ZNF142: variants seen among roughly 807,000 people sequenced by gnomAD.
ZNF142 encodes zinc finger protein 142, also known as zinc finger protein 142 (clone pHZ-49).
In ZNF142, 96 loss-of-function variants were observed where a neutral mutation model predicts 132.1. The observed-to-expected ratio is 0.73, with a 90% CI of 0.62 to 0.86. ZNF142 has a LOEUF of 0.86. Ranked by LOEUF, ZNF142 falls within the 40% of genes least tolerant of loss-of-function variation. The pLI is 0.00. For missense variants in ZNF142, 2,163 were observed against 2,336.2 expected (o/e 0.93, Z 1.53); for synonymous variants, 842 against 890.1 (o/e 0.95, Z 0.96).
Position 218,634,519 on chromosome 2 carries a change from G to A in ZNF142, c.*3820C>T, listed in dbSNP as rs767397339. 1.2e-6 allele frequency: 2 copies of A among 1,614,072 alleles called. No individual in the cohort carries two copies. The highest frequency in any genetic ancestry group is 1.6e-4 in the Middle Eastern group (1 of 6,062). On this transcript the variant is annotated 3_prime_UTR_variant, in exon 11 of 11. Coordinates refer to ENST00000411696, the MANE Select transcript of ZNF142 (RefSeq NM_001379659.1). This position sits in a 1 kb window ranked among gnomAD's most constrained non-coding sequence, Gnocchi z 4.0. ...ACATCTGTGATGGGCATTTCCGCCA[G>A]AATGGCGGCTGTGGCTATGTGCTGA...
In ZNF142 at chr2:218,648,725, G is replaced by GC; in HGVS notation, c.1782dup (p.His595AlafsTer4). ...CACTGGTGGATCTTTTCATGAGCAT[G>GC]CATCTTGCCTACATGATCCTGGTAA... On this transcript the variant is annotated frameshift_variant, in exon 7 of 11. Coordinates refer to ENST00000411696, the MANE Select transcript of ZNF142 (RefSeq NM_001379659.1). LOFTEE classifies it high-confidence loss of function. 6.2e-7 allele frequency: 1 copy of GC among 1,614,224 alleles called. No individual in the cohort carries two copies. The highest frequency in any genetic ancestry group is 8.5e-7 in the Non-Finnish European group (1 of 1,180,036).
At chr2:218,652,867 A>G (rs1157010911) in intron 4 of ZNF142, among the ~76,000 whole-genome samples, 1 of 152,138 alleles carries the variant, frequency 6.6e-6, no homozygotes, top group Non-Finnish European at 1.5e-5. Flanking sequence ...AGGTCCTGAG[A>G]TTCTACGAGA....
chr2:218,650,526 G>A lies in ZNF142; in HGVS notation c.881C>T (p.Ala294Val), dbSNP rs1203875717. The A allele has an allele frequency of 6.4e-7, 1 of 1,569,954 alleles. No individual in the cohort carries two copies. Among genetic ancestry groups the A allele is most frequent in the Middle Eastern group, 1.7e-4 (1 of 5,826 alleles). The change falls in exon 6 of 11, where the codon GCT (alanine) becomes GTT (valine). Residue 294 changes from alanine (A) to valine (V), a missense_variant and splice_region_variant. Ala to Val is a moderately conservative substitution (Grantham distance 64). Coordinates refer to ENST00000411696, the MANE Select transcript of ZNF142 (RefSeq NM_001379659.1). ...TCTCTCTCCTGGAGGCAGTTTGGGA[G>A]CTGGAGATACATAAAACTTGATAAA... ...QGLPSQELLP[A>V]PKLPPGEREP...
intron 8 of ZNF142, 21 bp downstream of exon 8, chr2:218,646,150 A>G: frequency 6.2e-7 from 1 of 1,606,800 alleles, no homozygotes; most frequent in Non-Finnish European, 8.5e-7. Flanking sequence ...ATTGGGACGG[A>G]GGCCTATGTG....
At position 218,644,774 on chromosome 2, in the gene ZNF142, C is replaced by T. The variant is rs573181948; in HGVS notation, c.2342G>A (p.Arg781His). Residue 781 changes from arginine (R) to histidine (H), a missense_variant, in exon 9 of 11, where the codon CGC becomes CAC. By Grantham distance (29) the Arg-to-His change is conservative. This residue lies in a region of ZNF142 where 749 missense variants were observed against 830.3 expected (regional missense o/e 0.90). Transcript: ENST00000411696. The surrounding 1 kb of genome is among the most constrained non-coding windows in gnomAD (Gnocchi z 4.6). ...REFHCALCDY[R>H]TFSNTTLLFH... ...CAAGAGTGTGGTGTTGCTGAAGGTG[C>T]GGTAGTCACAGAGGGCACAGTGGAA... 4 of 1,614,166 alleles carry T rather than the reference C, an allele frequency of 2.5e-6. No individual in the cohort carries two copies. The African/African-American group carries it at 5.3e-5, about 22-fold the overall frequency.
In ZNF142 at chr2:218,643,044, G is replaced by A. The variant is rs1398404967; in HGVS notation, c.4072C>T (p.His1358Tyr). ...TALRLHQKRRHPTAAPARGPR... is the reference protein window; with the variant it reads ...TALRLHQKRRYPTAAPARGPR... Reference sequence around the variant, plus strand: ...CCACGGGCTGGGGCTGCAGTGGGGTGCCTCCGCTTCTGGTGGAGCCTTAAG... The same window carrying A: ...CCACGGGCTGGGGCTGCAGTGGGGTACCTCCGCTTCTGGTGGAGCCTTAAG... The change falls in exon 9 of 11, where the codon CAC becomes TAC. Residue 1358 changes from histidine to tyrosine, a missense_variant. By Grantham distance (83) the His-to-Tyr change is moderately conservative. This residue lies in a region of ZNF142 where 809 missense variants were observed against 801.7 expected (regional missense o/e 1.01). Transcript: ENST00000411696. The A allele has an allele frequency of 1.3e-6, 2 of 1,597,962 alleles. No individual in the cohort carries two copies. The highest frequency in any genetic ancestry group is 2.3e-5 in the East Asian group (1 of 44,360).
chr2:218,657,753 C>G (rs1938657888), intron 3 of ZNF142, among the ~76,000 whole-genome samples: 1 of 152,104 alleles, frequency 6.6e-6, no homozygotes, highest in African/African-American at 2.4e-5. Flanking sequence ...CTCTTATCTT[C>G]TCTCTTCTGG....
In ZNF142 at chr2:218,642,040, G is replaced by A. The variant is rs1400676667; in HGVS notation, c.5076C>T (p.Pro1692=). ...CHLCPYACAD[P]SRLKYHMRIH... ...CCTCTGACATTACCTTGAGACGAGA[G>A]GGATCAGCACAGGCATAGGGGCAGA... Residue 1692 remains proline (P), a synonymous_variant, in exon 9 of 11, where the codon CCC becomes CCT. Coordinates refer to ENST00000411696, the MANE Select transcript of ZNF142 (RefSeq NM_001379659.1). This position sits in a 1 kb window ranked among gnomAD's most constrained non-coding sequence, Gnocchi z 4.6. The A allele has an allele frequency of 1.2e-6, 2 of 1,613,626 alleles. No individual in the cohort carries two copies. The highest frequency in any genetic ancestry group is 4.5e-5 in the East Asian group (2 of 44,856).
rs746988011 is a variant in ZNF142, at chr2:218,638,785, C to G, written c.5218G>C (p.Glu1740Gln). 14 of 1,603,802 alleles carry G rather than the reference C, an allele frequency of 8.7e-6. No individual in the cohort carries two copies. Among genetic ancestry groups the G allele is most frequent in the Non-Finnish European group, 8.5e-7 (1 of 1,179,020 alleles). The change falls in exon 11 of 11, where the codon GAG becomes CAG. Residue 1740 changes from glutamate (E) to glutamine (Q), a missense_variant. By Grantham distance (29) the Glu-to-Gln change is conservative. Transcript: ENST00000411696. Reference sequence around the variant, plus strand: ...GCCCGGTTGGTGCAGTACTCACACTCGGGACACTGGTATGGCTTCAGTCCT... The same window carrying G: ...GCCCGGTTGGTGCAGTACTCACACTGGGGACACTGGTATGGCTTCAGTCCT... ...HTGLKPYQCP[E>Q]CEYCTNRADA...
Position 218,634,223 on chromosome 2 carries a change from TGAG to T in ZNF142, c.*4113_*4115del. 6 of 1,606,834 alleles carry T rather than the reference TGAG, an allele frequency of 3.7e-6. No individual in the cohort carries two copies. The highest frequency in any genetic ancestry group is 5.1e-6 in the Non-Finnish European group (6 of 1,176,542). On this transcript the variant is annotated 3_prime_UTR_variant, in exon 11 of 11. Coordinates refer to ENST00000411696, the MANE Select transcript of ZNF142 (RefSeq NM_001379659.1). The surrounding 1 kb of genome is among the most constrained non-coding windows in gnomAD (Gnocchi z 4.0). ...TCTGGAATGCAGGCTGCCAGATGGG[TGAG>T]GAGGCAGCAGGGACTGGGAAGAGGG...
In ZNF142 at chr2:218,649,246, C is replaced by T; in HGVS notation, c.1262G>A (p.Cys421Tyr). The T allele has an allele frequency of 1.9e-6, 3 of 1,614,190 alleles. No individual in the cohort carries two copies. The highest frequency in any genetic ancestry group is 2.5e-6 in the Non-Finnish European group (3 of 1,180,026). The change falls in exon 7 of 11, where the codon TGC (cysteine) becomes TAC (tyrosine). Residue 421 changes from cysteine to tyrosine, a missense_variant. This residue lies in a region of ZNF142 where 749 missense variants were observed against 830.3 expected (regional missense o/e 0.90). Transcript: ENST00000411696. ...LRELGEKAHH[C>Y]PLCHYSAVER... The stretch of plus-strand genomic sequence containing the variant: ...CACCGCACTGTAGTGGCACAGTGGG[C>T]AGTGGTGGGCCTTTTCACCCAGCTC...
In ZNF142 at chr2:218,638,654, G is replaced by A. The variant is rs760564661; in HGVS notation, c.5349C>T (p.His1783=). ...GTTTGGCCTCACTGTGCTTGCGAAGGTGGGTGCGCAGCAGGAAGCGCGTCT... is the reference window on the plus strand; with the variant it reads ...GTTTGGCCTCACTGTGCTTGCGAAGATGGGTGCGCAGCAGGAAGCGCGTCT... The part of the protein sequence containing the change: ...AFKTRFLLRT[H]LRKHSEAKPY... The change falls in exon 11 of 11, where the codon CAC becomes CAT. Residue 1783 remains histidine, a synonymous_variant. Transcript: ENST00000411696. 1 of 1,614,254 alleles carries A rather than the reference G, an allele frequency of 6.2e-7. No homozygotes were observed. The highest frequency in any genetic ancestry group is 8.5e-7 in the Non-Finnish European group (1 of 1,180,048).
rs1575046857 is a variant in ZNF142, at chr2:218,636,035, A to G, written c.*2304T>C. 1 of 1,543,554 alleles carries G rather than the reference A, an allele frequency of 6.5e-7. No individual in the cohort carries two copies. The highest frequency in any genetic ancestry group is 2.3e-5 in the East Asian group (1 of 44,312). On this transcript the variant is annotated 3_prime_UTR_variant, in exon 11 of 11. Coordinates refer to ENST00000411696, the MANE Select transcript of ZNF142 (RefSeq NM_001379659.1). ...AGCATCTGTTATTGCATGTCCCCAC[A>G]TGGGAGGCAGTGTGGAACAGTACAA...
Position 218,644,736 on chromosome 2 carries a change from T to C in ZNF142, c.2380A>G (p.Lys794Glu). Reference sequence around the variant, plus strand: ...TCTCCAGGTACATAGCCATGGGCCTTGCGTTTATGGAACAAGAGTGTGGTG... The same window carrying C: ...TCTCCAGGTACATAGCCATGGGCCTCGCGTTTATGGAACAAGAGTGTGGTG... ...SNTTLLFHKR[K>E]AHGYVPGDQA... Residue 794 changes from lysine to glutamate, a missense_variant, in exon 9 of 11, where the codon AAG becomes GAG. Lys to Glu is a moderately conservative substitution (Grantham distance 56). Around this residue, in one of 7 missense-constraint regions of ZNF142, gnomAD observed 749 missense variants for 830.3 expected, o/e 0.90. Transcript: ENST00000411696. This position sits in a 1 kb window ranked among gnomAD's most constrained non-coding sequence, Gnocchi z 4.6. 4 of 1,614,226 alleles carry C rather than the reference T, an allele frequency of 2.5e-6. No homozygotes were observed. The highest frequency in any genetic ancestry group is 3.4e-6 in the Non-Finnish European group (4 of 1,180,040).
At chr2:218,648,495 A>T in intron 7 of ZNF142, 140 bp downstream of exon 7, 1 of 786,024 alleles carries the variant, frequency 1.3e-6, no homozygotes, top group Non-Finnish European at 2.0e-6. Flanking sequence ...ACTCAACTTA[A>T]GGCTCATTTG....
Position 218,644,676 on chromosome 2 carries a change from G to A in ZNF142, c.2440C>T (p.Pro814Ser). Reference sequence around the variant, plus strand: ...GTTGGGCCCTGCATGGCCCCTTCTGGCTCCTGGCTTGCATAGCGGAGCTGC... The same window carrying A: ...GTTGGGCCCTGCATGGCCCCTTCTGACTCCTGGCTTGCATAGCGGAGCTGC... The part of the protein sequence containing the change: ...AWQLRYASQE[P>S]EGAMQGPTPP... The change falls in exon 9 of 11, where the codon CCA becomes TCA. Residue 814 changes from proline to serine, a missense_variant. Physicochemically the swap from Pro to Ser is moderately conservative, Grantham distance 74. Transcript: ENST00000411696. The surrounding 1 kb of genome is among the most constrained non-coding windows in gnomAD (Gnocchi z 4.6). The A allele has an allele frequency of 1.7e-5, 28 of 1,614,220 alleles. No individual in the cohort carries two copies. The highest frequency in any genetic ancestry group is 2.4e-5 in the Non-Finnish European group (28 of 1,180,036).
In ZNF142 at chr2:218,651,891, G is replaced by A; in HGVS notation, c.690C>T (p.Cys230=). 1.6e-6 allele frequency: 2 copies of A among 1,288,844 alleles called. No homozygotes were observed. Among genetic ancestry groups the A allele is most frequent in the Non-Finnish European group, 2.0e-6 (2 of 987,928 alleles). The allele number at this position is 1,288,844 out of a possible 1,614,324, so 79.8% of individuals were successfully genotyped here. ...CCTGCTGGCTCCCGAAAAGCAGGGGGCAGCCCCGGAAAGAACAGGGCACAG... is the reference window on the plus strand; with the variant it reads ...CCTGCTGGCTCCCGAAAAGCAGGGGACAGCCCCGGAAAGAACAGGGCACAG... The part of the protein sequence containing the change: ...AVPVPCSFRG[C]PLLFGSQQGM... The change falls in exon 5 of 11, where the codon TGC becomes TGT. Residue 230 remains cysteine, a synonymous_variant. Transcript: ENST00000411696.
At chr2:218,651,436 G>A (rs1937981987) in intron 5 of ZNF142, among the ~76,000 whole-genome samples, 1 of 152,210 alleles carries the variant, frequency 6.6e-6, no homozygotes, top group Admixed American at 6.5e-5. Context: ...GATCATTAGA[G>A]AATATTGGTT....
intron 9 of ZNF142, 98 bp downstream of exon 9, chr2:218,641,930 G>A (rs1697224865): frequency 7.6e-6 from 11 of 1,440,602 alleles, no homozygotes; most frequent in Middle Eastern, 1.9e-4. Context: ...CAAAGTCACA[G>A]AGCTAATATC....
Sources: gnomAD v4.1 joint callset for allele counts (sites outside exome capture counted in the v4.1 genomes callset) on GRCh38, gnomAD v4.1.1 for gene constraint, gnomAD v4.1.1 regional missense constraint, Gnocchi (gnomAD v3.1) non-coding constraint, MANE v1.5 for transcripts, NCBI Gene and HGNC (gene_info 2026-07-23, HGNC 2026-07-21) for gene names.